Variants in ZFPM2 observed in about 807,000 individuals in gnomAD.
The protein encoded by ZFPM2 is zinc finger protein ZFPM2.
A neutral mutation model predicts 98.6 loss-of-function variants in ZFPM2; 20 were observed. The observed-to-expected ratio is 0.20, with a 90% CI of 0.14 to 0.29. ZFPM2 has a LOEUF of 0.29. Ranked by LOEUF, ZFPM2 falls within the 10% of genes least tolerant of loss-of-function variation. The probability of loss-of-function intolerance (pLI) is 1.00; values close to 1 mark genes in which losing one functional copy is unlikely to be tolerated. For missense variants in ZFPM2, 1,310 were observed against 1,388.6 expected (o/e 0.94, Z 0.90); for synonymous variants, 518 against 502.7 (o/e 1.03, Z -0.41).
chr8:105,517,707 C>CA (rs61552974), intron 3 of ZFPM2, among the ~76,000 whole-genome samples: 2 of 124,980 alleles, frequency 1.6e-5, no homozygotes, highest in African/African-American at 3.3e-5. Flanking sequence ...CACACACACA[C>CA]CACACACACA....
chr8:105,704,692 T>C (rs1811216566), intron 5 of ZFPM2, among the ~76,000 whole-genome samples: 1 of 152,170 alleles, frequency 6.6e-6, no homozygotes. Context: ...ACCTAGATGA[T>C]ATTCTAATAT....
intron 1 of ZFPM2, among the ~76,000 whole-genome samples, chr8:105,381,813 G>GT (rs201568018): frequency 2.6e-3 from 389 of 152,080 alleles, no homozygotes; most frequent in African/African-American, 9.1e-3. Flanking sequence ...CGTAATTGTG[G>GT]TTTTTTTGAT....
chr8:105,769,041 A>G (rs550492773), intron 5 of ZFPM2, among the ~76,000 whole-genome samples: 1 of 152,030 alleles, frequency 6.6e-6, no homozygotes, highest in African/African-American at 2.4e-5. Context: ...TCTTATTTCA[A>G]AAGCTTTTAT....
intron 5 of ZFPM2, among the ~76,000 whole-genome samples, chr8:105,759,580 TTGTGTGTGTGTGTGTG>T (rs5893760): frequency 6.8e-6 from 1 of 146,888 alleles, no homozygotes. Flanking sequence ...TTGATAATCC[TTGTGTGTGTGTGTGTG>T]TGTGTGTGTG....
chr8:105,422,996 T>C (rs528045475), intron 2 of ZFPM2, among the ~76,000 whole-genome samples: 1 of 152,308 alleles, frequency 6.6e-6, no homozygotes, highest in African/African-American at 2.4e-5. Flanking sequence ...TGGCTCTTAT[T>C]ATTGTAACAT....
chr8:105,566,163 C>T (rs976788018), intron 4 of ZFPM2, among the ~76,000 whole-genome samples: 4 of 152,138 alleles, frequency 2.6e-5, no homozygotes, highest in Non-Finnish European at 5.9e-5. Flanking sequence ...TAATTTCATT[C>T]AGAAACGCCC....
At chr8:105,542,828 T>G (rs554936466) in intron 3 of ZFPM2, among the ~76,000 whole-genome samples, 1 of 152,336 alleles carries the variant, frequency 6.6e-6, no homozygotes, top group African/African-American at 2.4e-5. Flanking sequence ...TGTGGTATAA[T>G]ATCACAACCA....
At chr8:105,579,208 A>G (rs1815532924) in intron 4 of ZFPM2, among the ~76,000 whole-genome samples, 1 of 152,178 alleles carries the variant, frequency 6.6e-6, no homozygotes, top group African/African-American at 2.4e-5. Context: ...ATCTGATTTT[A>G]TCTTTTTTTC....
chr8:105,576,743 A>G (rs1000328357), intron 4 of ZFPM2, among the ~76,000 whole-genome samples: 1 of 152,108 alleles, frequency 6.6e-6, no homozygotes, highest in Admixed American at 6.6e-5. Flanking sequence ...TTATATGGTC[A>G]TTTATTTTCA....
chr8:105,610,855 C>T (rs1816295766), intron 4 of ZFPM2, among the ~76,000 whole-genome samples: 1 of 152,164 alleles, frequency 6.6e-6, no homozygotes, highest in Non-Finnish European at 1.5e-5. Flanking sequence ...GTCTGTTTTC[C>T]AGGACCAAGA....
chr8:105,362,697 C>T (rs764287918), intron 1 of ZFPM2, among the ~76,000 whole-genome samples: 17 of 152,050 alleles, frequency 1.1e-4, no homozygotes, highest in Non-Finnish European at 1.9e-4. Context: ...AATAAATGCG[C>T]GGAAAGTCTG....
At position 105,407,194 on chromosome 8, in the gene ZFPM2, A is replaced by G. The variant is rs866428248; in HGVS notation, c.41-11950A>G. 3.3e-5 allele frequency among the ~76,000 whole-genome samples: 5 copies of G among 151,844 alleles called. No individual in the cohort carries two copies. The South Asian group carries it at 1.0e-3, about 32-fold the overall frequency. ...TGAGTAAAATATTTTAAGTGTATCA[A>G]AACAGGGGATGGGTGGTGAAAGAAT... On this transcript the variant is annotated intron_variant, in intron 1 of 7. Coordinates refer to ENST00000407775, the MANE Select transcript of ZFPM2 (RefSeq NM_012082.4).
In ZFPM2 at chr8:105,341,628, G is replaced by T. The variant is rs1812433387; in HGVS notation, c.40+22647G>T. Among the ~76,000 whole-genome samples the T allele has an allele frequency of 2.0e-5, 3 of 151,954 alleles. No homozygotes were observed. The South Asian group carries it at 6.2e-4, about 32-fold the overall frequency. The stretch of plus-strand genomic sequence containing the variant: ...TATGTATTTCCCTGAATGAAAATTT[G>T]TGACTGATTAGATTAAGTGATAAGT... On this transcript the variant is annotated intron_variant, in intron 1 of 7. Transcript: ENST00000407775.
At chr8:105,591,438 C>A (rs180866842) in intron 4 of ZFPM2, among the ~76,000 whole-genome samples, 1 of 152,042 alleles carries the variant, frequency 6.6e-6, no homozygotes, top group South Asian at 2.1e-4. Flanking sequence ...AACAGTGGAA[C>A]TTATATAGAC....
chr8:105,376,523 C>G (rs987956416), intron 1 of ZFPM2, among the ~76,000 whole-genome samples: 28 of 152,158 alleles, frequency 1.8e-4, no homozygotes, highest in African/African-American at 6.8e-4. Flanking sequence ...GGATCTCTAA[C>G]AAGCATCTCA....
intron 5 of ZFPM2, among the ~76,000 whole-genome samples, chr8:105,674,680 A>G (rs1355839303): frequency 6.6e-6 from 1 of 152,184 alleles, no homozygotes; most frequent in Non-Finnish European, 1.5e-5. Context: ...GGTGGATAGG[A>G]TAGAGGCTGA....
chr8:105,480,999 C>G (rs1000930101), intron 3 of ZFPM2, among the ~76,000 whole-genome samples: 1 of 152,128 alleles, frequency 6.6e-6, no homozygotes, highest in Non-Finnish European at 1.5e-5. Context: ...ATCCACCCAC[C>G]TTGGCCTCCC....
intron 4 of ZFPM2, among the ~76,000 whole-genome samples, chr8:105,630,794 A>C (rs1330182422): frequency 6.6e-6 from 1 of 152,150 alleles, no homozygotes; most frequent in African/African-American, 2.4e-5. Context: ...ATTCAAGTGA[A>C]ATGCTTACCT....
chr8:105,692,743 C>A (rs1810917657), intron 5 of ZFPM2, among the ~76,000 whole-genome samples: 1 of 152,234 alleles, frequency 6.6e-6, no homozygotes, highest in Non-Finnish European at 1.5e-5. Flanking sequence ...AGGACAAAAC[C>A]ACTTGTATTC....
Sources: gnomAD v4.1 joint callset for allele counts (sites outside exome capture counted in the v4.1 genomes callset) on GRCh38, gnomAD v4.1.1 for gene constraint, MANE v1.5 for transcripts, NCBI Gene and HGNC (gene_info 2026-07-23, HGNC 2026-07-21) for gene names.